The following AFF2 variants were observed in gnomAD, a reference collection of about 807,000 sequenced individuals.
The protein encoded by AFF2 is AF4/FMR2 family member 2.
In AFF2, 14 loss-of-function variants were observed where a neutral mutation model predicts 76.9. That is an observed-to-expected ratio of 0.18 (90% CI 0.12 to 0.28). AFF2 has a LOEUF of 0.28. Ranked by LOEUF, AFF2 falls within the 10% of genes least tolerant of loss-of-function variation. The probability of loss-of-function intolerance (pLI) is 1.00; values close to 1 mark genes in which losing one functional copy is unlikely to be tolerated. For missense variants in AFF2, 868 were observed against 1,001.1 expected (o/e 0.87, Z 1.79); for synonymous variants, 398 against 366.7 (o/e 1.09, Z -0.98).
intron 3 of AFF2, among the ~76,000 whole-genome samples, chrX:148,747,071 T>G (rs896184038): frequency 8.9e-6 from 1 of 112,093 alleles, no homozygotes; most frequent in Non-Finnish European, 1.9e-5. Context: ...GATTTCTACA[T>G]GAAGCTCTCC....
intron 15 of AFF2, among the ~76,000 whole-genome samples, chrX:148,973,136 C>A (rs782126621): frequency 2.7e-5 from 3 of 109,159 alleles, no homozygotes; most frequent in East Asian, 5.8e-4. Flanking sequence ...TGATCTATAT[C>A]TCTGTTTTGG....
At chrX:148,985,019 C>G (rs781943599) in intron 19 of AFF2, among the ~76,000 whole-genome samples, 38 of 110,263 alleles carry the variant, frequency 3.4e-4, no homozygotes, top group Non-Finnish European at 5.9e-4. Flanking sequence ...GAGATGGAGT[C>G]TCACTCTGTC....
At chrX:148,795,064 G>A (rs2069949733) in intron 3 of AFF2, among the ~76,000 whole-genome samples, 1 of 112,156 alleles carries the variant, frequency 8.9e-6, no homozygotes, top group Admixed American at 9.5e-5. Context: ...AAATGATACT[G>A]GGAGGGGGAT....
chrX:148,712,476 TCA>T (rs1237247445), intron 3 of AFF2, among the ~76,000 whole-genome samples: 1 of 111,921 alleles, frequency 8.9e-6, no homozygotes, highest in Admixed American at 9.5e-5. Flanking sequence ...TTTTAAAAGA[TCA>T]CACAGTGTGT....
chrX:148,920,390 T>G (rs782225765), intron 9 of AFF2, among the ~76,000 whole-genome samples: 13 of 111,801 alleles, frequency 1.2e-4, no homozygotes, highest in Non-Finnish European at 2.4e-4. Flanking sequence ...TCCTAGGGAT[T>G]TAGGTGTTGC....
At chrX:148,669,126 C>T (rs4844069) in intron 3 of AFF2, among the ~76,000 whole-genome samples, 15,045 of 111,048 alleles carry the variant, frequency 0.14, 1,205 homozygotes, top group East Asian at 0.58. Flanking sequence ...TTTGCTAAAA[C>T]GTAACAAGAG....
At chrX:148,707,023 G>C (rs2054893664) in intron 3 of AFF2, among the ~76,000 whole-genome samples, 1 of 111,606 alleles carries the variant, frequency 9.0e-6, no homozygotes, top group Non-Finnish European at 1.9e-5. Context: ...TAATGGCTTT[G>C]GACCCATTTA....
intron 3 of AFF2, among the ~76,000 whole-genome samples, chrX:148,756,186 C>A (rs1436629007): frequency 1.8e-5 from 2 of 112,486 alleles, no homozygotes; most frequent in Non-Finnish European, 3.8e-5. Flanking sequence ...TTAGAGGGTT[C>A]TTTAGGATCA....
At chrX:148,929,580 G>A (rs1041897929) in intron 9 of AFF2, among the ~76,000 whole-genome samples, 66 of 111,864 alleles carry the variant, frequency 5.9e-4, no homozygotes, top group African/African-American at 2.1e-3. Flanking sequence ...GGTCTATGTA[G>A]TCTTTCTGAG....
At chrX:148,908,293 A>G (rs2071431587) in intron 9 of AFF2, among the ~76,000 whole-genome samples, 1 of 112,207 alleles carries the variant, frequency 8.9e-6, no homozygotes, top group African/African-American at 3.2e-5. Context: ...TCATAAGGGT[A>G]TTGATTGGGG....
At chrX:148,578,236 T>C (rs2053314249) in intron 1 of AFF2, among the ~76,000 whole-genome samples, 1 of 111,824 alleles carries the variant, frequency 8.9e-6, no homozygotes, top group South Asian at 3.7e-4. Flanking sequence ...AATCCCGTAT[T>C]ATCTCCACTT....
intron 3 of AFF2, among the ~76,000 whole-genome samples, chrX:148,698,800 T>G (rs782142131): frequency 0.14 from 12,181 of 90,072 alleles, 881 homozygotes; most frequent in East Asian, 0.5. Flanking sequence ...TTCTAGTGTT[T>G]TTTTTTTTTT....
At chrX:148,756,816 A>T (rs1252065680) in intron 3 of AFF2, among the ~76,000 whole-genome samples, 1 of 112,750 alleles carries the variant, frequency 8.9e-6, no homozygotes, top group Non-Finnish European at 1.9e-5. Flanking sequence ...AGCAACTAGA[A>T]TATAAGAAGT....
At chrX:148,677,645 A>G (rs1429431325) in intron 3 of AFF2, among the ~76,000 whole-genome samples, 1 of 112,503 alleles carries the variant, frequency 8.9e-6, no homozygotes, top group African/African-American at 3.2e-5. Flanking sequence ...TTTATCTTGT[A>G]CTGATAGCTG....
At position 148,973,586 on chromosome X, in the gene AFF2, C is replaced by G; in HGVS notation, c.3383C>G (p.Ser1128Cys). The change falls in exon 16 of 21, where the codon TCT becomes TGT. Residue 1128 changes from serine to cysteine, a missense_variant. Physicochemically the swap from Ser to Cys is moderately radical, Grantham distance 112. Transcript: ENST00000370460. ...LEAKSPYTMY[S>C]ETVELLRYAM... ...GCAAAGTCCCCATACACCATGTACT[C>G]TGAGACTGTGGAGCTCCTCAGGTGA... The G allele has an allele frequency of 8.3e-7, 1 of 1,210,680 alleles. No individual in the cohort carries two copies. The highest frequency in any genetic ancestry group is 3.0e-5 in the East Asian group (1 of 33,833).
intron 1 of AFF2, among the ~76,000 whole-genome samples, chrX:148,590,693 A>G (rs2053514965): frequency 8.9e-6 from 1 of 112,092 alleles, no homozygotes; most frequent in Non-Finnish European, 1.9e-5. Flanking sequence ...TGAGGATAAG[A>G]TAGAAAGGAG....
chrX:148,826,566 T>TA (rs1384381323), intron 4 of AFF2, among the ~76,000 whole-genome samples: 1 of 111,369 alleles, frequency 9.0e-6, no homozygotes, highest in East Asian at 2.8e-4. Context: ...AATTGAAGCT[T>TA]TATAGCGTGC....
intron 3 of AFF2, among the ~76,000 whole-genome samples, chrX:148,715,171 G>A (rs1175948122): frequency 3.6e-5 from 4 of 110,971 alleles, no homozygotes; most frequent in African/African-American, 9.8e-5. Flanking sequence ...TGATAGAAGC[G>A]CTAACAAGGG....
chrX:148,729,896 A>G (rs1346009102), intron 3 of AFF2, among the ~76,000 whole-genome samples: 1 of 111,784 alleles, frequency 8.9e-6, no homozygotes, highest in Non-Finnish European at 1.9e-5. Flanking sequence ...ATTGCTTAGT[A>G]TCTCTAGGTT....
Sources: allele counts gnomAD v4.1 joint callset (sites outside exome capture counted in the v4.1 genomes callset), GRCh38; gene constraint gnomAD v4.1.1; transcripts MANE v1.5; gene names NCBI Gene and HGNC (gene_info 2026-07-23, HGNC 2026-07-21).